Variants in KDM2A observed in about 807,000 individuals in gnomAD.
The protein encoded by KDM2A is lysine demethylase 2A, also known as lysine-specific demethylase 2A.
Under a neutral mutation model 137.3 loss-of-function variants are expected in KDM2A, and 3 were observed. That is an observed-to-expected ratio of 0.02 (90% CI 0.01 to 0.06). The LOEUF is 0.06. Among genes scored for constraint, KDM2A ranks in the 10% least tolerant of loss-of-function variants. KDM2A has a pLI of 1.00. For missense variants in KDM2A, 738 were observed against 1,510.6 expected (o/e 0.49, Z 8.48); for synonymous variants, 512 against 541.5 (o/e 0.95, Z 0.76).
chr11:67,166,244 GTGTGATCTCGGCTCAC>G (rs1393099075), intron 2 of KDM2A, among the ~76,000 whole-genome samples: 1 of 150,642 alleles, frequency 6.6e-6, no homozygotes, highest in East Asian at 1.9e-4. Flanking sequence ...GAGTGCAGTG[GTGTGATCTCGGCTCAC>G]TGTAATCTCT....
At chr11:67,183,585 G>C (rs1857136240) in intron 5 of KDM2A, among the ~76,000 whole-genome samples, 1 of 152,160 alleles carries the variant, frequency 6.6e-6, no homozygotes, top group African/African-American at 2.4e-5. Context: ...GGACAGCTTG[G>C]ACAATAAAGT....
Position 67,250,543 on chromosome 11 carries a change from A to G in KDM2A, c.2513A>G (p.Gln838Arg). 6.2e-7 allele frequency: 1 copy of G among 1,613,888 alleles called. No individual in the cohort carries two copies. Among genetic ancestry groups the G allele is most frequent in the Non-Finnish European group, 8.5e-7 (1 of 1,179,860 alleles). Reference sequence around the variant, plus strand: ...CGCCATTCCCCCCGTGTGCTAGTGCAGCACTGCCCAGCCCGAACCCCCCAG... The same window carrying G: ...CGCCATTCCCCCCGTGTGCTAGTGCGGCACTGCCCAGCCCGAACCCCCCAG... ...NLRHSPRVLVQHCPARTPQRG... is the reference protein window; with the variant it reads ...NLRHSPRVLVRHCPARTPQRG... The change falls in exon 17 of 21, where the codon CAG becomes CGG. Residue 838 changes from glutamine to arginine, a missense_variant. By Grantham distance (43) the Gln-to-Arg change is conservative. Around this residue, in one of 9 missense-constraint regions of KDM2A, gnomAD observed 244 missense variants for 324.6 expected, o/e 0.75. Coordinates refer to ENST00000529006, the MANE Select transcript of KDM2A (RefSeq NM_012308.3). The surrounding 1 kb of genome is among the most constrained non-coding windows in gnomAD (Gnocchi z 7.1).
chr11:67,188,453 G>A (rs1215573061), intron 5 of KDM2A, among the ~76,000 whole-genome samples: 1 of 150,052 alleles, frequency 6.7e-6, no homozygotes, highest in Non-Finnish European at 1.5e-5. Context: ...CTGCACTCCA[G>A]CCTGGGCGAC....
At chr11:67,167,613 T>C (rs1034591757) in intron 2 of KDM2A, among the ~76,000 whole-genome samples, 1 of 152,034 alleles carries the variant, frequency 6.6e-6, no homozygotes, top group Non-Finnish European at 1.5e-5. Context: ...AAGGTCCTAC[T>C]GACTAAATAT....
intron 2 of KDM2A, among the ~76,000 whole-genome samples, chr11:67,152,767 A>G (rs532136096): frequency 3.5e-4 from 53 of 152,290 alleles, no homozygotes; most frequent in African/African-American, 1.3e-3. Context: ...ATCATTCCAT[A>G]GCAGATGTTT....
chr11:67,158,957 T>G (rs546390397), intron 2 of KDM2A, among the ~76,000 whole-genome samples: 44 of 152,344 alleles, frequency 2.9e-4, no homozygotes, highest in African/African-American at 8.2e-4. Context: ...TTTCTCCCAG[T>G]GAGTGGCTTG....
intron 6 of KDM2A, among the ~76,000 whole-genome samples, chr11:67,209,748 T>G (rs1026820063): frequency 5.9e-5 from 9 of 152,152 alleles, no homozygotes; most frequent in African/African-American, 2.2e-4. Context: ...CCGGCCAATT[T>G]CCAGAATTTT....
intron 2 of KDM2A, among the ~76,000 whole-genome samples, chr11:67,125,743 C>T (rs982816372): frequency 2.7e-4 from 41 of 149,354 alleles, no homozygotes; most frequent in Admixed American, 4.7e-4. Context: ...TGCGCCACTG[C>T]ACTCCAGCCT....
In KDM2A at chr11:67,257,743, G is replaced by T. The variant is rs1859657905; in HGVS notation, c.*2688G>T. ...TATATTTTTTTGTTGCTGATTTAGA[G>T]TCAATCTCCAATGTTGTGCTAAAAA... On this transcript the variant is annotated 3_prime_UTR_variant, in exon 21 of 21. Coordinates refer to ENST00000529006, the MANE Select transcript of KDM2A (RefSeq NM_012308.3). 6.6e-6 allele frequency: 1 copy of T among 152,086 alleles called. No individual in the cohort carries two copies. 9.4% of individuals were successfully genotyped at this position (152,086 alleles called of 1,614,324 possible). A position where few individuals can be genotyped will look rare whatever the true frequency, so the allele number is the denominator to read the frequency against.
At chr11:67,216,563 C>G (rs1272928565) in intron 8 of KDM2A, among the ~76,000 whole-genome samples, 1 of 152,194 alleles carries the variant, frequency 6.6e-6, no homozygotes, top group Admixed American at 6.5e-5. Flanking sequence ...CTCTAACTTG[C>G]AGTGAATGCA....
At chr11:67,164,606 C>T (rs1181401769) in intron 2 of KDM2A, among the ~76,000 whole-genome samples, 1 of 151,866 alleles carries the variant, frequency 6.6e-6, no homozygotes, top group Non-Finnish European at 1.5e-5. Flanking sequence ...CATGAGCCAT[C>T]ACACTTGACT....
At chr11:67,131,801 T>C (rs952278214) in intron 2 of KDM2A, among the ~76,000 whole-genome samples, 2 of 152,214 alleles carry the variant, frequency 1.3e-5, no homozygotes, top group Admixed American at 1.3e-4. Flanking sequence ...TGATTATGTT[T>C]CAAACAAAGA....
intron 16 of KDM2A, among the ~76,000 whole-genome samples, chr11:67,249,133 T>A (rs1859331662): frequency 6.6e-6 from 1 of 152,242 alleles, no homozygotes; most frequent in Admixed American, 6.5e-5. Flanking sequence ...GTTGAATTTT[T>A]CAATCTATTT....
intron 13 of KDM2A, among the ~76,000 whole-genome samples, chr11:67,244,597 G>A (rs983157180): frequency 6.6e-6 from 1 of 152,132 alleles, no homozygotes; most frequent in Non-Finnish European, 1.5e-5. Flanking sequence ...ACAAGGGCTG[G>A]TAAATTTTTC....
At chr11:67,249,471 T>C (rs750821669) in intron 16 of KDM2A, among the ~76,000 whole-genome samples, 1 of 152,190 alleles carries the variant, frequency 6.6e-6, no homozygotes, top group Non-Finnish European at 1.5e-5. Flanking sequence ...TAGTGGAACA[T>C]GTTTACTGGG....
chr11:67,256,348 C>CT lies in KDM2A; in HGVS notation c.*1296dup, dbSNP rs1859612778. ...CTAGGGCAGCAGAGAGCTTTTTGCA[C>CT]TTTAAAAAAAAAAAGAAAGAAAGAA... On this transcript the variant is annotated 3_prime_UTR_variant, in exon 21 of 21. Coordinates refer to ENST00000529006, the MANE Select transcript of KDM2A (RefSeq NM_012308.3). 1.3e-5 allele frequency: 2 copies of CT among 150,872 alleles called. No homozygotes were observed. The highest frequency in any genetic ancestry group is 2.4e-5 in the African/African-American group (1 of 40,874). The allele number at this position is 150,872 out of a possible 1,614,324, so 9.3% of individuals were successfully genotyped here.
intron 2 of KDM2A, among the ~76,000 whole-genome samples, chr11:67,172,205 C>T (rs551215848): frequency 6.6e-6 from 1 of 152,128 alleles, no homozygotes; most frequent in Admixed American, 6.5e-5. Context: ...CTCCTGGATT[C>T]AAGTGATCCT....
chr11:67,244,884 G>A (rs933411813), intron 13 of KDM2A, among the ~76,000 whole-genome samples: 1 of 151,940 alleles, frequency 6.6e-6, no homozygotes. Flanking sequence ...TACTTGGGAG[G>A]CTGAGGCAGG....
At chr11:67,226,360 C>G (rs897053056) in intron 10 of KDM2A, among the ~76,000 whole-genome samples, 2 of 152,186 alleles carry the variant, frequency 1.3e-5, no homozygotes, top group African/African-American at 4.8e-5. Flanking sequence ...TTCAGACCAT[C>G]CTGCTGTTAG....
Sources: gnomAD v4.1 joint callset for allele counts (sites outside exome capture counted in the v4.1 genomes callset) on GRCh38, gnomAD v4.1.1 for gene constraint, gnomAD v4.1.1 regional missense constraint, Gnocchi (gnomAD v3.1) non-coding constraint, MANE v1.5 for transcripts, NCBI Gene and HGNC (gene_info 2026-07-23, HGNC 2026-07-21) for gene names.